Variants in SWT1 observed in about 807,000 individuals in gnomAD.
SWT1 encodes the protein SWT1 RNA endoribonuclease homolog.
In SWT1, 33 loss-of-function variants were observed where a neutral mutation model predicts 107.3. The ratio of observed to expected loss-of-function variants is 0.31; its 90% confidence interval spans 0.23 to 0.41. The LOEUF (loss-of-function observed/expected upper bound fraction) is 0.41, where lower values mean the gene tolerates loss of function less well. Among genes scored for constraint, SWT1 ranks in the 10% least tolerant of loss-of-function variants. The pLI is 1.00. For missense variants in SWT1, 898 were observed against 1,028.9 expected (o/e 0.87, Z 1.74); for synonymous variants, 345 against 348.3 (o/e 0.99, Z 0.11).
Position 185,157,232 on chromosome 1 carries a change from G to GGT in SWT1, c.-79_-78dup, listed in dbSNP as rs138144522. 36 of 155,400 alleles carry GGT rather than the reference G, an allele frequency of 2.3e-4. 1 individual carries two copies. The East Asian group carries it at 2.9e-3, about 12-fold the overall frequency. The allele number at this position is 155,400 out of a possible 1,614,324, so 9.6% of individuals were successfully genotyped here. A position where few individuals can be genotyped will look rare whatever the true frequency, so the allele number is the denominator to read the frequency against. Reference sequence around the variant, plus strand: ...AGCAGGCATACAGTTGGTGGGGCGGGGTGTGTGTGTGTGTTGGGAGGCGGG... The same window carrying GGT: ...AGCAGGCATACAGTTGGTGGGGCGGGGTGTGTGTGTGTGTGTTGGGAGGCGGG... On this transcript the variant is annotated 5_prime_UTR_variant, in exon 1 of 19. It removes the in-frame stop codon of an upstream open reading frame in the 5' UTR. Transcript: ENST00000367500.
chr1:185,268,641 C>T (rs1663574215), intron 16 of SWT1, among the ~76,000 whole-genome samples: 1 of 152,140 alleles, frequency 6.6e-6, no homozygotes, highest in African/African-American at 2.4e-5. Flanking sequence ...TCATCAAATA[C>T]ACTGTGAGGG....
intron 9 of SWT1, 90 bp downstream of exon 9, chr1:185,185,021 A>G (rs1656332546): frequency 2.2e-6 from 2 of 930,104 alleles, no homozygotes; most frequent in Non-Finnish European, 3.0e-6. Context: ...AACTTTTAAA[A>G]CATTTAAACC....
intron 16 of SWT1, among the ~76,000 whole-genome samples, chr1:185,249,670 C>G (rs1661868320): frequency 6.6e-6 from 1 of 151,922 alleles, no homozygotes; most frequent in Admixed American, 6.6e-5. Context: ...TTTGTAAATA[C>G]TCTCAACATT....
intron 10 of SWT1, among the ~76,000 whole-genome samples, chr1:185,200,735 C>A (rs189825501): frequency 1.6e-4 from 24 of 152,202 alleles, no homozygotes; most frequent in Admixed American, 1.2e-3. Context: ...GTTCAAGGAC[C>A]CACTTGAGGA....
chr1:185,235,530 TC>T, intron 16 of SWT1, among the ~76,000 whole-genome samples: 1 of 152,174 alleles, frequency 6.6e-6, no homozygotes, highest in East Asian at 1.9e-4. Flanking sequence ...TGCTAAAAAC[TC>T]TCAGTAAACT....
Position 185,168,366 on chromosome 1 carries a change from C to A in SWT1, c.192C>A (p.Tyr64Ter). The A allele has an allele frequency of 7.3e-7, 1 of 1,376,380 alleles. No homozygotes were observed. Among genetic ancestry groups the A allele is most frequent in the Non-Finnish European group, 9.7e-7 (1 of 1,027,352 alleles). The allele number at this position is 1,376,380 out of a possible 1,614,324, so 85.3% of individuals were successfully genotyped here. ...KLKSDHTDVL[Y>*]YNIKRRQGLK... ...AATCAGATCATACAGATGTTCTGTA[C>A]TATAATATAAAAAGAAGACAAGGAC... Residue 64 changes from tyrosine (Y) to a stop codon, truncating the protein, a stop_gained, in exon 4 of 19, where the codon TAC becomes TAA. Transcript: ENST00000367500. LOFTEE classifies it high-confidence loss of function.
At chr1:185,275,908 T>G (rs1167645558) in intron 17 of SWT1, among the ~76,000 whole-genome samples, 1 of 152,172 alleles carries the variant, frequency 6.6e-6, no homozygotes, top group Non-Finnish European at 1.5e-5. Flanking sequence ...TAGCAACACT[T>G]AGAAATGTTT....
intron 13 of SWT1, among the ~76,000 whole-genome samples, chr1:185,212,221 A>T (rs1658875902): frequency 6.6e-6 from 1 of 152,162 alleles, no homozygotes; most frequent in African/African-American, 2.4e-5. Context: ...ATAAAATAAA[A>T]AAAATAAAGC....
rs531926493 is a variant in SWT1, at chr1:185,257,635, C to T, written c.2442-13688C>T. Among the ~76,000 whole-genome samples, 50 of 152,344 alleles carry T rather than the reference C, an allele frequency of 3.3e-4. 1 individual carries two copies. The South Asian group carries it at 6.4e-3, about 20-fold the overall frequency. ...AGTGAGGCAATGCCTCGCCCTGCTT[C>T]GGCTCGCACATGGTGCGCGCACCCA... is the stretch of plus-strand genomic sequence containing the variant. On this transcript the variant is annotated intron_variant, in intron 16 of 18. Transcript: ENST00000367500.
rs59643566 is a variant in SWT1 at position 185,221,050 on chromosome 1, GACACACACAC to G, written c.2122-774_2122-765del. Among the ~76,000 whole-genome samples, 1,219 of 149,858 alleles carry G rather than the reference GACACACACAC, an allele frequency of 8.1e-3. 15 individuals carry two copies. The highest frequency in any genetic ancestry group is 0.025 in the African/African-American group (1,043 of 41,012). The stretch of plus-strand genomic sequence containing the variant: ...TAGTGTGCATGTGTGCGTGCACACA[GACACACACAC>G]ACACACACACACACACACACACACT... On this transcript the variant is annotated intron_variant, in intron 14 of 18. Transcript: ENST00000367500.
At chr1:185,160,963 A>C in intron 2 of SWT1, 38 bp downstream of exon 2, 1 of 1,465,724 alleles carries the variant, frequency 6.8e-7, no homozygotes, top group Non-Finnish European at 9.5e-7. Context: ...GATACATTTC[A>C]ATTTATTTTT....
At chr1:185,289,406 A>G (rs1250995654) in intron 18 of SWT1, among the ~76,000 whole-genome samples, 5 of 152,210 alleles carry the variant, frequency 3.3e-5, no homozygotes, top group African/African-American at 1.2e-4. Flanking sequence ...TGAACAATCT[A>G]GTTCTACCTT....
intron 4 of SWT1, among the ~76,000 whole-genome samples, chr1:185,173,828 G>A (rs756676574): frequency 1.3e-5 from 2 of 152,158 alleles, no homozygotes; most frequent in Non-Finnish European, 2.9e-5. Flanking sequence ...ACCAGCCTGG[G>A]CAACATAGCA....
intron 9 of SWT1, among the ~76,000 whole-genome samples, chr1:185,189,245 T>C (rs1029963804): frequency 6.6e-6 from 1 of 152,106 alleles, no homozygotes; most frequent in Non-Finnish European, 1.5e-5. Context: ...TGCCTCAGCC[T>C]CTCAAAATGT....
chr1:185,194,259 T>G (rs947389424), intron 10 of SWT1, among the ~76,000 whole-genome samples: 1 of 152,180 alleles, frequency 6.6e-6, no homozygotes, highest in African/African-American at 2.4e-5. Context: ...TTTTAACTGT[T>G]AAGTTTAGAC....
chr1:185,166,405 A>G lies in SWT1; in HGVS notation c.85-167A>G, dbSNP rs559844088. On this transcript the variant is annotated intron_variant, in intron 2 of 18. Transcript: ENST00000367500. ...TTTAGGGGTTCTGGCTTCTAGTTGA[A>G]TCTCCCTTCCTTTTACCAAAGTTTG... Among the ~76,000 whole-genome samples, 5 of 152,206 alleles carry G rather than the reference A, an allele frequency of 3.3e-5. No homozygotes were observed. The South Asian group carries it at 1.0e-3, about 32-fold the overall frequency.
chr1:185,241,263 C>T (rs1013371736), intron 16 of SWT1, among the ~76,000 whole-genome samples: 4 of 152,118 alleles, frequency 2.6e-5, no homozygotes, highest in African/African-American at 9.7e-5. Flanking sequence ...TTGCAGTGTG[C>T]AAAATATTCA....
At chr1:185,253,742 T>TC (rs535993857) in intron 16 of SWT1, among the ~76,000 whole-genome samples, 5,455 of 149,856 alleles carry the variant, frequency 0.036, 258 homozygotes, top group East Asian at 0.16. Flanking sequence ...CAATTTGACT[T>TC]CTCTTTTCCT....
chr1:185,220,795 T>C (rs2102525055), intron 14 of SWT1, among the ~76,000 whole-genome samples: 1 of 152,348 alleles, frequency 6.6e-6, no homozygotes, highest in Non-Finnish European at 1.5e-5. Flanking sequence ...CACTACAGTT[T>C]ATTGCTACTA....
Sources: gnomAD v4.1 joint callset for allele counts (sites outside exome capture counted in the v4.1 genomes callset) on GRCh38, gnomAD v4.1.1 for gene constraint, MANE v1.5 for transcripts, NCBI Gene and HGNC (gene_info 2026-07-23, HGNC 2026-07-21) for gene names.